CCDC192: variants seen among roughly 807,000 people sequenced by gnomAD.
The protein encoded by CCDC192 is coiled-coil domain-containing protein 192.
chr5:127,783,540 T>C (rs1413527619), intron 3 of CCDC192, among the ~76,000 whole-genome samples: 2 of 152,244 alleles, frequency 1.3e-5, no homozygotes, highest in Admixed American at 1.3e-4. Context: ...TGTGGCCTAT[T>C]ATATGGTCTA....
chr5:127,719,558 TACAC>T (rs372022175), intron 2 of CCDC192, among the ~76,000 whole-genome samples: 504 of 20,714 alleles, frequency 0.024, 18 homozygotes, highest in Middle Eastern at 0.13. Flanking sequence ...TATATATATA[TACAC>T]ACATACATAT....
At chr5:127,824,375 ATAT>A (rs1377134987) in intron 5 of CCDC192, among the ~76,000 whole-genome samples, 1 of 152,228 alleles carries the variant, frequency 6.6e-6, no homozygotes, top group Non-Finnish European at 1.5e-5. Flanking sequence ...GCTGGAAGCA[ATAT>A]TATTTATAAA....
intron 5 of CCDC192, among the ~76,000 whole-genome samples, chr5:127,869,389 TTGTAGG>T (rs1490534329): frequency 2.6e-5 from 4 of 152,192 alleles, no homozygotes; most frequent in African/African-American, 4.8e-5. Flanking sequence ...GCCTGGCATA[TTGTAGG>T]TGGCCAATAA....
At chr5:127,860,315 C>T (rs989320609) in intron 5 of CCDC192, among the ~76,000 whole-genome samples, 2 of 152,124 alleles carry the variant, frequency 1.3e-5, no homozygotes, top group African/African-American at 2.4e-5. Context: ...TATTGAGAAT[C>T]GCAGAAAAAC....
chr5:127,859,190 T>C (rs567061755), intron 5 of CCDC192, among the ~76,000 whole-genome samples: 1 of 152,226 alleles, frequency 6.6e-6, no homozygotes, highest in African/African-American at 2.4e-5. Context: ...CTCTAAATTG[T>C]AGAATAAGCT....
intron 5 of CCDC192, among the ~76,000 whole-genome samples, chr5:127,850,156 A>G (rs1750732755): frequency 6.6e-6 from 1 of 152,132 alleles, no homozygotes; most frequent in African/African-American, 2.4e-5. Context: ...GATCACACTT[A>G]ATCCCCTTAT....
At position 127,869,906 on chromosome 5, in the gene CCDC192, G is replaced by A. The variant is rs539423988; in HGVS notation, c.412-5632G>A. ...GAGGGCTACTGCAAAGAACTGAAAG[G>A]TGTTAGCTTTGATTTCCAAGATCTG... On this transcript the variant is annotated intron_variant, in intron 5 of 6. Coordinates refer to ENST00000514853, the MANE Select transcript of CCDC192 (RefSeq NM_001317938.2). Among the ~76,000 whole-genome samples the A allele has an allele frequency of 8.5e-5, 13 of 152,228 alleles. No individual in the cohort carries two copies. In the South Asian group the frequency reaches 2.7e-3, roughly 32 times the overall value.
At chr5:127,771,628 G>A (rs908906089) in intron 3 of CCDC192, among the ~76,000 whole-genome samples, 6 of 152,326 alleles carry the variant, frequency 3.9e-5, no homozygotes, top group African/African-American at 1.4e-4. Context: ...ACAGGTAGGC[G>A]TGATAGGAGT....
intron 3 of CCDC192, among the ~76,000 whole-genome samples, chr5:127,790,622 C>T (rs1041655796): frequency 1.3e-5 from 2 of 152,144 alleles, no homozygotes; most frequent in Non-Finnish European, 2.9e-5. Flanking sequence ...CCTTTTTCTT[C>T]CCAGCCTCTG....
intron 6 of CCDC192, among the ~76,000 whole-genome samples, chr5:127,940,211 T>C (rs1367863127): frequency 1.3e-5 from 2 of 152,168 alleles, no homozygotes; most frequent in Non-Finnish European, 2.9e-5. Flanking sequence ...CTGATAGAAA[T>C]TGATAAAGGA....
chr5:127,831,599 C>G (rs1749800357), intron 5 of CCDC192, among the ~76,000 whole-genome samples: 1 of 151,676 alleles, frequency 6.6e-6, no homozygotes, highest in Admixed American at 6.6e-5. Flanking sequence ...AGGTATTAAT[C>G]ACTGGTTATG....
At chr5:127,860,787 A>T (rs1308788042) in intron 5 of CCDC192, among the ~76,000 whole-genome samples, 6 of 152,144 alleles carry the variant, frequency 3.9e-5, no homozygotes, top group Non-Finnish European at 8.8e-5. Context: ...ACACATCAAG[A>T]TTCCTTCTTT....
At chr5:127,784,942 G>A (rs1445796049) in intron 3 of CCDC192, 1 of 466,534 alleles carries the variant, frequency 2.1e-6, no homozygotes, top group Non-Finnish European at 4.2e-6. Context: ...TTTTATTAAG[G>A]TATCTGTCTT....
intron 5 of CCDC192, among the ~76,000 whole-genome samples, chr5:127,832,514 A>T (rs1296282684): frequency 6.6e-6 from 1 of 152,254 alleles, no homozygotes; most frequent in African/African-American, 2.4e-5. Flanking sequence ...TGATAAAGGC[A>T]TATGTAAAAG....
chr5:127,758,743 T>C (rs1186938040), intron 3 of CCDC192, among the ~76,000 whole-genome samples: 1 of 152,194 alleles, frequency 6.6e-6, no homozygotes, highest in Non-Finnish European at 1.5e-5. Flanking sequence ...GAAAGAAAGA[T>C]GAAAAGTAAA....
chr5:127,835,865 C>A (rs1033454073), intron 5 of CCDC192, among the ~76,000 whole-genome samples: 4 of 152,132 alleles, frequency 2.6e-5, no homozygotes, highest in East Asian at 1.9e-4. Flanking sequence ...GATGAGATTT[C>A]GGTGGAGAGA....
At chr5:127,856,848 C>T (rs770930745) in intron 5 of CCDC192, among the ~76,000 whole-genome samples, 1 of 152,020 alleles carries the variant, frequency 6.6e-6, no homozygotes, top group African/African-American at 2.4e-5. Context: ...GTTTGTGGTG[C>T]CCCAAAACAA....
intron 6 of CCDC192, among the ~76,000 whole-genome samples, chr5:127,905,827 T>C (rs1753178065): frequency 6.6e-6 from 1 of 152,126 alleles, no homozygotes; most frequent in African/African-American, 2.4e-5. Flanking sequence ...CCAATTTCAC[T>C]CCTTTATTTG....
At chr5:127,831,195 T>C (rs768683007) in intron 5 of CCDC192, among the ~76,000 whole-genome samples, 3 of 152,208 alleles carry the variant, frequency 2.0e-5, no homozygotes, top group Non-Finnish European at 2.9e-5. Context: ...ATCTTGAAGA[T>C]TTTGTATTCT....
Sources: allele counts gnomAD v4.1 joint callset (sites outside exome capture counted in the v4.1 genomes callset), GRCh38; gene constraint gnomAD v4.1.1; transcripts MANE v1.5; gene names NCBI Gene and HGNC (gene_info 2026-07-23, HGNC 2026-07-21).